The following MARK1 variants were observed in gnomAD, a reference collection of about 807,000 sequenced individuals.
MARK1 encodes serine/threonine-protein kinase MARK1.
Under a neutral mutation model 96.3 loss-of-function variants are expected in MARK1, and 40 were observed. The ratio of observed to expected loss-of-function variants is 0.42; its 90% CI spans 0.32 to 0.54. MARK1 has a LOEUF of 0.54. Among genes scored for constraint, MARK1 ranks in the 20% least tolerant of loss-of-function variants. The pLI is 0.16. For missense variants in MARK1, 719 were observed against 984.6 expected (o/e 0.73, Z 3.61); for synonymous variants, 317 against 341.2 (o/e 0.93, Z 0.78).
chr1:220,561,709 A>G (rs1182688988), intron 1 of MARK1, among the ~76,000 whole-genome samples: 1 of 152,222 alleles, frequency 6.6e-6, no homozygotes, highest in Non-Finnish European at 1.5e-5. Context: ...AATAGTATAG[A>G]CAATGGGTAA....
chr1:220,530,346 G>A (rs1230696674), intron 1 of MARK1, among the ~76,000 whole-genome samples: 1 of 152,128 alleles, frequency 6.6e-6, no homozygotes, highest in Non-Finnish European at 1.5e-5. Context: ...AACAAGTTCA[G>A]AGAAAAAGAT....
intron 1 of MARK1, among the ~76,000 whole-genome samples, chr1:220,578,085 T>C (rs1034259954): frequency 6.6e-6 from 1 of 152,246 alleles, no homozygotes; most frequent in Non-Finnish European, 1.5e-5. Context: ...TTTAGGAAGC[T>C]GTTGCTTTTA....
chr1:220,635,443 A>G lies in MARK1; in HGVS notation c.1190A>G (p.Asn397Ser), dbSNP rs747644946. Reference protein sequence around the residue: ...CQRSRPSSDLNNSTLQSPAHL... With the variant: ...CQRSRPSSDLSNSTLQSPAHL... Reference sequence around the variant, plus strand: ...AGGTCCCGGCCCAGTAGTGACTTAAACAACAGCACTCTTCAGTCCCCTGCT... The same window carrying G: ...AGGTCCCGGCCCAGTAGTGACTTAAGCAACAGCACTCTTCAGTCCCCTGCT... The change falls in exon 12 of 18, where the codon AAC (asparagine) becomes AGC (serine). Residue 397 changes from asparagine (N) to serine (S), a missense_variant. Transcript: ENST00000366917. The G allele has an allele frequency of 1.3e-5, 21 of 1,613,540 alleles. No homozygotes were observed. The East Asian group carries it at 1.6e-4, about 12-fold the overall frequency.
intron 1 of MARK1, among the ~76,000 whole-genome samples, chr1:220,560,188 C>T (rs1237027700): frequency 1.3e-5 from 2 of 152,202 alleles, no homozygotes; most frequent in African/African-American, 2.4e-5. Context: ...CCCCATGATT[C>T]GTTTATCTCC....
Position 220,532,175 on chromosome 1 carries a change from A to G in MARK1, c.51+3302A>G, listed in dbSNP as rs187204902. 3.9e-5 allele frequency among the ~76,000 whole-genome samples: 6 copies of G among 152,274 alleles called. No homozygotes were observed. In the East Asian group the frequency reaches 9.6e-4, roughly 24 times the overall value. Reference sequence around the variant, plus strand: ...TCAGTTAGACTAAAAAGCCTTTAATAAAAAAAGACTCGATGTTGAGTCTTG... The same window carrying G: ...TCAGTTAGACTAAAAAGCCTTTAATGAAAAAAGACTCGATGTTGAGTCTTG... On this transcript the variant is annotated intron_variant, in intron 1 of 17. Transcript: ENST00000366917.
intron 1 of MARK1, among the ~76,000 whole-genome samples, chr1:220,548,869 G>T (rs1384202661): frequency 8.5e-5 from 13 of 152,184 alleles, no homozygotes; most frequent in African/African-American, 2.7e-4. Context: ...GAACTAGGAA[G>T]TTTGGAAAAG....
intron 6 of MARK1, among the ~76,000 whole-genome samples, chr1:220,611,148 G>A (rs1297093047): frequency 6.6e-6 from 1 of 152,212 alleles, no homozygotes; most frequent in African/African-American, 2.4e-5. Context: ...GAAGTTGCCT[G>A]CTGCCTTTTG....
chr1:220,602,026 A>C (rs1446880131), intron 5 of MARK1, among the ~76,000 whole-genome samples: 2 of 152,196 alleles, frequency 1.3e-5, no homozygotes, highest in Admixed American at 1.3e-4. Flanking sequence ...TGCCTTTTTA[A>C]TCCATAAATG....
chr1:220,590,597 A>G (rs1664921976), intron 3 of MARK1, among the ~76,000 whole-genome samples: 1 of 152,194 alleles, frequency 6.6e-6, no homozygotes, highest in Non-Finnish European at 1.5e-5. Flanking sequence ...TTAGGGGGGC[A>G]CAGTTCATTT....
chr1:220,601,013 G>A (rs953071757), intron 5 of MARK1, among the ~76,000 whole-genome samples: 2 of 151,682 alleles, frequency 1.3e-5, no homozygotes, highest in Admixed American at 1.3e-4. Flanking sequence ...CGCCTCCCAG[G>A]TTCACTCCAT....
At chr1:220,548,337 G>A (rs951118402) in intron 1 of MARK1, among the ~76,000 whole-genome samples, 38 of 152,284 alleles carry the variant, frequency 2.5e-4, no homozygotes, top group African/African-American at 8.7e-4. Context: ...CTTATATTAG[G>A]AAATAATTAC....
intron 3 of MARK1, among the ~76,000 whole-genome samples, chr1:220,583,623 T>C (rs905785631): frequency 4.6e-5 from 7 of 151,678 alleles, no homozygotes; most frequent in Non-Finnish European, 1.0e-4. Flanking sequence ...TAGAAGAGGG[T>C]CCATGAACCA....
chr1:220,545,155 C>T (rs984543654), intron 1 of MARK1, among the ~76,000 whole-genome samples: 1 of 152,118 alleles, frequency 6.6e-6, no homozygotes, highest in Non-Finnish European at 1.5e-5. Context: ...GGTGGGAAGA[C>T]GAGGGCATTC....
Position 220,528,734 on chromosome 1 carries a change from C to G in MARK1, c.-89C>G, listed in dbSNP as rs1660090810. ...GAGCCGCTCGCCCCGGCCTTGTGCTCGCGTCCGCACCCCTTTCCTGTCGCC... is the reference window on the plus strand; with the variant it reads ...GAGCCGCTCGCCCCGGCCTTGTGCTGGCGTCCGCACCCCTTTCCTGTCGCC... On this transcript the variant is annotated 5_prime_UTR_variant, in exon 1 of 18. Coordinates refer to ENST00000366917, the MANE Select transcript of MARK1 (RefSeq NM_018650.5). 1.6e-6 allele frequency: 2 copies of G among 1,263,976 alleles called. No individual in the cohort carries two copies. The highest frequency in any genetic ancestry group is 1.6e-5 in the African/African-American group (1 of 63,512). The allele number at this position is 1,263,976 out of a possible 1,614,324, so 78.3% of individuals were successfully genotyped here.
chr1:220,557,686 G>T (rs1454780770), intron 1 of MARK1, among the ~76,000 whole-genome samples: 2 of 152,150 alleles, frequency 1.3e-5, no homozygotes, highest in Admixed American at 1.3e-4. Flanking sequence ...TTAGAGGAAA[G>T]AAGTTGGATA....
intron 6 of MARK1, among the ~76,000 whole-genome samples, chr1:220,606,614 T>C (rs753580348): frequency 6.6e-6 from 1 of 152,154 alleles, no homozygotes; most frequent in South Asian, 2.1e-4. Flanking sequence ...CCTATGTCCT[T>C]AATGGTATTG....
intron 3 of MARK1, among the ~76,000 whole-genome samples, chr1:220,587,845 TAATG>T (rs1664748236): frequency 2.0e-5 from 3 of 152,342 alleles, no homozygotes; most frequent in Admixed American, 6.5e-5. Context: ...ACTATACAGA[TAATG>T]AATGACCATT....
intron 1 of MARK1, among the ~76,000 whole-genome samples, chr1:220,550,252 T>C (rs765293513): frequency 2.0e-5 from 3 of 152,242 alleles, no homozygotes; most frequent in Non-Finnish European, 4.4e-5. Context: ...TATGCTGGAA[T>C]ATAGTATTCT....
intron 1 of MARK1, among the ~76,000 whole-genome samples, chr1:220,571,458 CT>C (rs1348617209): frequency 2.0e-5 from 3 of 152,132 alleles, no homozygotes; most frequent in Non-Finnish European, 4.4e-5. Flanking sequence ...ATTTTTGTCA[CT>C]CATAAAAGTA....
Sources: gnomAD v4.1 joint callset for allele counts (sites outside exome capture counted in the v4.1 genomes callset) on GRCh38, gnomAD v4.1.1 for gene constraint, MANE v1.5 for transcripts, NCBI Gene and HGNC (gene_info 2026-07-23, HGNC 2026-07-21) for gene names.